The following TTC34 variants were observed in gnomAD, a reference collection of about 807,000 sequenced individuals.
TTC34 encodes tetratricopeptide repeat domain 34, also known as tetratricopeptide repeat protein 34.
Under a neutral mutation model 40.7 loss-of-function variants are expected in TTC34, and 44 were observed. The ratio of observed to expected loss-of-function variants is 1.08; its 90% CI spans 0.85 to 1.39. TTC34 has a LOEUF of 1.39. Among genes scored for constraint, TTC34 ranks in the 40% most tolerant of loss-of-function variants. TTC34 has a pLI of 0.00. For missense variants in TTC34, 884 were observed against 838.0 expected, an observed-to-expected ratio of 1.05 and a Z score of -0.68; for synonymous variants, 422 against 398.6, an observed-to-expected ratio of 1.06 and a Z score of -0.70.
intron 6 of TTC34, among the ~76,000 whole-genome samples, chr1:2,657,235 CAG>C (rs1179521564): frequency 5.5e-4 from 63 of 115,060 alleles, no homozygotes; most frequent in Admixed American, 1.2e-3. Flanking sequence ...AGGTGAACAT[CAG>C]AGAGTCTGGA....
In TTC34 at chr1:2,792,033, T is replaced by TTTTTTTA. The variant is rs1553171534; in HGVS notation, c.785-1688_785-1687insTAAAAAA. 9.3e-5 allele frequency among the ~76,000 whole-genome samples: 10 copies of TTTTTTTA among 107,104 alleles called. 2 individuals carry two copies. The highest frequency in any genetic ancestry group is 8.6e-4 in the East Asian group (3 of 3,484). 70.3% of individuals were successfully genotyped at this position (107,104 alleles called of 152,430 possible). On this transcript the variant is annotated intron_variant, in intron 2 of 8. Transcript: ENST00000401095. ...TTTTTTTTTTTTTTTTTTTTTTTTT[T>TTTTTTTA]AAAGACAGGGTCTTGCTCCATCACC...
chr1:2,769,629 ACCCCCAGGTGAGC>A (rs1641977307), intron 6 of TTC34, among the ~76,000 whole-genome samples: 1 of 113,826 alleles, frequency 8.8e-6, no homozygotes, highest in Non-Finnish European at 1.7e-5. Flanking sequence ...CAGCACCCAC[ACCCCCAGGTGAGC>A]ATCTGACAGC....
chr1:2,801,175 G>A (rs1643768243), intron 1 of TTC34, among the ~76,000 whole-genome samples: 1 of 152,152 alleles, frequency 6.6e-6, no homozygotes, highest in Non-Finnish European at 1.5e-5. Context: ...CATGTCGGGA[G>A]GGTTACGGTG....
chr1:2,754,856 C>A (rs1405298142), intron 6 of TTC34, among the ~76,000 whole-genome samples: 17 of 103,930 alleles, frequency 1.6e-4, no homozygotes, highest in Admixed American at 4.5e-4. Flanking sequence ...ACAGCACCCA[C>A]ATGCCCAGCT....
At chr1:2,676,929 C>A (rs1457210609) in intron 6 of TTC34, among the ~76,000 whole-genome samples, 20 of 147,992 alleles carry the variant, frequency 1.4e-4, no homozygotes, top group South Asian at 4.4e-4. Context: ...CACCCACACC[C>A]CCAGGTGAGC....
chr1:2,795,172 G>A (rs1643700122), intron 2 of TTC34, among the ~76,000 whole-genome samples: 1 of 152,110 alleles, frequency 6.6e-6, no homozygotes, highest in Non-Finnish European at 1.5e-5. Flanking sequence ...GACTGCTTGA[G>A]CCTGGGAGAT....
In TTC34 at chr1:2,700,358, G is replaced by C. The variant is rs1047314760; in HGVS notation, c.2227-54795C>G. On this transcript the variant is annotated intron_variant, in intron 6 of 8. Transcript: ENST00000401095. ...CCGCAGGTGAGCATCCGACAGCCTGGAGCAGCGCCCACAACCCCAGGTGAG... is the reference window on the plus strand; with the variant it reads ...CCGCAGGTGAGCATCCGACAGCCTGCAGCAGCGCCCACAACCCCAGGTGAG... Among the ~76,000 whole-genome samples, 21 of 117,148 alleles carry C rather than the reference G, an allele frequency of 1.8e-4. 7 individuals are homozygous for C. Among genetic ancestry groups the C allele is most frequent in the Non-Finnish European group, 4.0e-4 (20 of 49,540 alleles). 76.9% of individuals were successfully genotyped at this position (117,148 alleles called of 152,430 possible). A position where few individuals can be genotyped will look rare whatever the true frequency, so the allele number is the denominator to read the frequency against.
At chr1:2,686,319 A>T (rs1640343272) in intron 6 of TTC34, among the ~76,000 whole-genome samples, 3 of 149,016 alleles carry the variant, frequency 2.0e-5, no homozygotes, top group African/African-American at 7.6e-5. Flanking sequence ...CAGCACCCAC[A>T]CCTCCAGGCG....
intron 6 of TTC34, among the ~76,000 whole-genome samples, chr1:2,751,789 G>T (rs1641329115): frequency 3.8e-5 from 5 of 133,192 alleles, no homozygotes; most frequent in South Asian, 2.6e-4. Context: ...GCATCTGACA[G>T]CCTGGAGCAG....
intron 6 of TTC34, among the ~76,000 whole-genome samples, chr1:2,652,014 C>A (rs1639151571): frequency 1.2e-5 from 1 of 84,756 alleles, no homozygotes; most frequent in Non-Finnish European, 2.3e-5. Flanking sequence ...CCCAGGTGAG[C>A]ACCTGACATC....
At chr1:2,799,472 G>A (rs1437235091) in intron 2 of TTC34, among the ~76,000 whole-genome samples, 1 of 152,090 alleles carries the variant, frequency 6.6e-6, no homozygotes, top group Admixed American at 6.5e-5. Flanking sequence ...GAACCCAGTG[G>A]GTGGAGGTTG....
chr1:2,753,060 G>A (rs1375134973), intron 6 of TTC34, among the ~76,000 whole-genome samples: 30 of 149,920 alleles, frequency 2.0e-4, no homozygotes, highest in African/African-American at 6.9e-4. Context: ...CACACCCCCA[G>A]GTGAGCATCT....
At chr1:2,749,571 C>T (rs1486029974) in intron 6 of TTC34, among the ~76,000 whole-genome samples, 36 of 77,434 alleles carry the variant, frequency 4.6e-4, no homozygotes, top group Middle Eastern at 0.01. Context: ...CACCCCCAGG[C>T]GAGCATCCGA....
intron 6 of TTC34, among the ~76,000 whole-genome samples, chr1:2,680,914 G>A: frequency 7.1e-6 from 1 of 140,556 alleles, no homozygotes; most frequent in East Asian, 2.1e-4. Flanking sequence ...CTCCAGGTGA[G>A]CATCTGACAA....
Position 2,694,591 on chromosome 1 carries a change from C to G in TTC34, c.2227-49028G>C, listed in dbSNP as rs539098670. Among the ~76,000 whole-genome samples, 36 of 93,832 alleles carry G rather than the reference C, an allele frequency of 3.8e-4. 5 individuals are homozygous for G. Among genetic ancestry groups the G allele is most frequent in the South Asian group, 2.5e-3 (7 of 2,804 alleles). The allele number at this position is 93,832 out of a possible 152,430, so 61.6% of individuals were successfully genotyped here. On this transcript the variant is annotated intron_variant, in intron 6 of 8. Coordinates refer to ENST00000401095, the Ensembl canonical transcript of TTC34. ...TGACAGCCTGGAACAGTACCCACACCCACAGGCGAGCATCTGAAACCACGG... is the reference window on the plus strand; with the variant it reads ...TGACAGCCTGGAACAGTACCCACACGCACAGGCGAGCATCTGAAACCACGG...
chr1:2,685,143 G>A (rs1640269311), intron 6 of TTC34, among the ~76,000 whole-genome samples: 3 of 145,528 alleles, frequency 2.1e-5, no homozygotes, highest in Non-Finnish European at 3.0e-5. Flanking sequence ...CGGACGGCCT[G>A]GAACAGCACC....
At position 2,779,974 on chromosome 1, in the gene TTC34, C is replaced by T. The variant is rs140038957; in HGVS notation, c.2226+3635G>A. Among the ~76,000 whole-genome samples, 94 of 152,212 alleles carry T rather than the reference C, an allele frequency of 6.2e-4. 1 individual carries two copies. In the Middle Eastern group the frequency reaches 0.01, roughly 17 times the overall value. On this transcript the variant is annotated intron_variant, in intron 6 of 8. Transcript: ENST00000401095. ...ATAAAAATACAAAAAATTAGCCAGGCGTGGGGTCGCCCACCTGTAATCCCA... is the reference window on the plus strand; with the variant it reads ...ATAAAAATACAAAAAATTAGCCAGGTGTGGGGTCGCCCACCTGTAATCCCA...
At chr1:2,684,907 G>C (rs371178861) in intron 6 of TTC34, among the ~76,000 whole-genome samples, 6,288 of 57,012 alleles carry the variant, frequency 0.11, no homozygotes, top group Middle Eastern at 0.3. Context: ...GCCTGGAACA[G>C]CACCCTGCAC....
chr1:2,750,102 C>T (rs1331656552), intron 6 of TTC34, among the ~76,000 whole-genome samples: 13 of 103,276 alleles, frequency 1.3e-4, no homozygotes, highest in East Asian at 3.4e-4. Flanking sequence ...GAGCATCTGA[C>T]AGCCTGGAAC....
Sources: allele counts gnomAD v4.1 joint callset (sites outside exome capture counted in the v4.1 genomes callset), GRCh38; gene constraint gnomAD v4.1.1; transcripts MANE v1.5; gene names NCBI Gene and HGNC (gene_info 2026-07-23, HGNC 2026-07-21).